NETO2: variants seen among roughly 807,000 people sequenced by gnomAD.
NETO2 encodes neuropilin and tolloid like 2, also known as neuropilin and tolloid-like protein 2.
A neutral mutation model predicts 62.5 loss-of-function variants in NETO2; 28 were observed. That is an observed-to-expected ratio of 0.45 (90% CI 0.33 to 0.61). The LOEUF is 0.61. Ranked by LOEUF, NETO2 falls within the 20% of genes least tolerant of loss-of-function variation. The probability of loss-of-function intolerance (pLI) is 0.02; values close to 1 mark genes in which losing one functional copy is unlikely to be tolerated. For synonymous variants in NETO2, 214 were observed against 219.1 expected, an observed-to-expected ratio of 0.98 and a Z score of 0.21; for missense variants, 548 against 643.2, an observed-to-expected ratio of 0.85 and a Z score of 1.60.
intron 6 of NETO2, among the ~76,000 whole-genome samples, chr16:47,112,269 G>C (rs1001242964): frequency 5.3e-5 from 8 of 152,106 alleles, no homozygotes; most frequent in African/African-American, 1.9e-4. Context: ...CCATGAACTA[G>C]TTTCTCACAT....
chr16:47,092,753 G>A (rs1222686563), intron 7 of NETO2, among the ~76,000 whole-genome samples: 1 of 152,160 alleles, frequency 6.6e-6, no homozygotes, highest in African/African-American at 2.4e-5. Context: ...TTCTCTCCCT[G>A]GTGAAGGAAG....
chr16:47,117,113 C>A (rs1963939465), intron 6 of NETO2, among the ~76,000 whole-genome samples: 1 of 152,030 alleles, frequency 6.6e-6, no homozygotes, highest in Non-Finnish European at 1.5e-5. Context: ...GTGATAAATT[C>A]TCTTAGTTTT....
At chr16:47,118,745 A>C (rs1259623906) in intron 6 of NETO2, among the ~76,000 whole-genome samples, 1 of 152,202 alleles carries the variant, frequency 6.6e-6, no homozygotes, top group Non-Finnish European at 1.5e-5. Flanking sequence ...GTCTCTCCTA[A>C]CTTCTACCTC....
At chr16:47,130,736 G>C (rs1301494992) in intron 2 of NETO2, among the ~76,000 whole-genome samples, 1 of 152,158 alleles carries the variant, frequency 6.6e-6, no homozygotes, top group African/African-American at 2.4e-5. Context: ...ATGACCTGGA[G>C]CCTGCTGTAA....
rs1470910485 is a variant in NETO2, at chr16:47,143,579, C to T, written c.34G>A (p.Val12Met). Residue 12 changes from valine (V) to methionine (M), a missense_variant and splice_region_variant, in exon 1 of 9, where the codon GTG (valine) becomes ATG (methionine). Transcript: ENST00000562435. ...ALERLCSVLK[V>M]LLITVLVVEG... ...CCGTGGCCCCAGCCCCGGTCCTTAC[C>T]TTTGAGGACCGAGCAGAGCCGCTCC... 1.6e-6 allele frequency: 2 copies of T among 1,223,456 alleles called. No individual in the cohort carries two copies. Among genetic ancestry groups the T allele is most frequent in the South Asian group, 4.1e-5 (1 of 24,374 alleles). The allele number at this position is 1,223,456 out of a possible 1,614,324, so 75.8% of individuals were successfully genotyped here.
chr16:47,103,900 T>C (rs1446271556), intron 7 of NETO2, among the ~76,000 whole-genome samples: 3 of 152,182 alleles, frequency 2.0e-5, no homozygotes, highest in Non-Finnish European at 4.4e-5. Context: ...AAAGGCCATA[T>C]ATGAAAAACC....
intron 7 of NETO2, among the ~76,000 whole-genome samples, chr16:47,108,909 C>G (rs181286264): frequency 2.0e-5 from 3 of 152,286 alleles, no homozygotes; most frequent in Non-Finnish European, 2.9e-5. Context: ...AGAAAAAGAT[C>G]TATGGCATAT....
At chr16:47,086,135 A>T in intron 8 of NETO2, 91 bp downstream of exon 8, 1 of 806,700 alleles carries the variant, frequency 1.2e-6, no homozygotes, top group Non-Finnish European at 2.2e-6. Context: ...AGCTATGCTA[A>T]GCACTGTTGT....
In NETO2 at chr16:47,143,742, C is replaced by A; in HGVS notation, c.-130G>T. 1 of 1,148,104 alleles carries A rather than the reference C, an allele frequency of 8.7e-7. No homozygotes were observed. Among genetic ancestry groups the A allele is most frequent in the Non-Finnish European group, 1.1e-6 (1 of 918,872 alleles). 71.1% of individuals were successfully genotyped at this position (1,148,104 alleles called of 1,614,324 possible). A position where few individuals can be genotyped will look rare whatever the true frequency, so the allele number is the denominator to read the frequency against. ...CCGGCCAGCAGCTGCCTCCCCGCTC[C>A]CCTGAGGAGAGCTCAGGTCCTGCGG... On this transcript the variant is annotated 5_prime_UTR_variant, in exon 1 of 9. Coordinates refer to ENST00000562435, the MANE Select transcript of NETO2 (RefSeq NM_018092.5).
Position 47,122,651 on chromosome 16 carries a change from T to C in NETO2, c.654+6A>G, listed in dbSNP as rs769930618. 1.9e-6 allele frequency: 3 copies of C among 1,613,260 alleles called. No homozygotes were observed. The highest frequency in any genetic ancestry group is 1.1e-5 in the South Asian group (1 of 90,852). On this transcript the variant is annotated splice_donor_region_variant and intron_variant, in intron 6 of 8. Transcript: ENST00000562435. ...TTCTCTGAAGCGACTCAATACATAA[T>C]AATACCTTAGCTTTTGGAGTGGCTT... is the stretch of plus-strand genomic sequence containing the variant.
Position 47,104,091 on chromosome 16 carries a change from C to G in NETO2, c.883+5392G>C, listed in dbSNP as rs376411673. Among the ~76,000 whole-genome samples, 9 of 152,230 alleles carry G rather than the reference C, an allele frequency of 5.9e-5. No individual in the cohort carries two copies. The East Asian group carries it at 1.5e-3, about 26-fold the overall frequency. On this transcript the variant is annotated intron_variant, in intron 7 of 8. Coordinates refer to ENST00000562435, the MANE Select transcript of NETO2 (RefSeq NM_018092.5). ...GAAGATAAAAGGTTTTCTCTGTTCA[C>G]AGACAACACAATCTTATATGCAGAA...
intron 7 of NETO2, among the ~76,000 whole-genome samples, chr16:47,103,975 A>G (rs1180641349): frequency 1.3e-5 from 2 of 152,178 alleles, no homozygotes; most frequent in Admixed American, 1.3e-4. Context: ...TAAGACAGAT[A>G]CCCAATTTCA....
intron 6 of NETO2, among the ~76,000 whole-genome samples, chr16:47,119,933 A>G (rs1440827481): frequency 6.6e-6 from 1 of 152,178 alleles, no homozygotes; most frequent in Non-Finnish European, 1.5e-5. Context: ...TGTTTTATGA[A>G]TGCTAGTAGA....
intron 6 of NETO2, among the ~76,000 whole-genome samples, chr16:47,117,917 T>C (rs11860969): frequency 0.12 from 18,549 of 152,142 alleles, 2,468 homozygotes; most frequent in African/African-American, 0.33. Context: ...TGAGATCCTA[T>C]TTCTATTAAA....
At chr16:47,131,257 T>G (rs1298299946) in intron 2 of NETO2, among the ~76,000 whole-genome samples, 2 of 152,006 alleles carry the variant, frequency 1.3e-5, no homozygotes, top group East Asian at 3.9e-4. Context: ...AGAGCTAAAT[T>G]CTCATCTTCC....
chr16:47,127,591 A>G (rs1964183203), intron 4 of NETO2, among the ~76,000 whole-genome samples: 1 of 152,326 alleles, frequency 6.6e-6, no homozygotes, highest in East Asian at 1.9e-4. Context: ...TGGGGCATGC[A>G]CTGGAGGCTG....
At chr16:47,108,919 T>A (rs1963729829) in intron 7 of NETO2, among the ~76,000 whole-genome samples, 1 of 152,206 alleles carries the variant, frequency 6.6e-6, no homozygotes, top group Non-Finnish European at 1.5e-5. Context: ...CTATGGCATA[T>A]CTAAATCTTT....
chr16:47,096,756 A>C (rs995460060), intron 7 of NETO2, among the ~76,000 whole-genome samples: 30 of 152,358 alleles, frequency 2.0e-4, no homozygotes, highest in African/African-American at 6.3e-4. Context: ...AAGATGGCCG[A>C]ATAGGAACAG....
intron 6 of NETO2, 53 bp from the exon 7 acceptor site, chr16:47,109,764 T>G: frequency 7.5e-7 from 1 of 1,327,098 alleles, no homozygotes; most frequent in Non-Finnish European, 1.1e-6. Context: ...TAATTTGAAT[T>G]TTTCTATTTC....
Sources: allele counts gnomAD v4.1 joint callset (sites outside exome capture counted in the v4.1 genomes callset), GRCh38; gene constraint gnomAD v4.1.1; transcripts MANE v1.5; gene names NCBI Gene and HGNC (gene_info 2026-07-23, HGNC 2026-07-21).